The following CAPRIN1 variants were observed in gnomAD, a reference collection of about 807,000 sequenced individuals.
CAPRIN1 encodes the protein caprin-1.
Under a neutral mutation model 100.9 loss-of-function variants are expected in CAPRIN1, and 29 were observed. The observed-to-expected ratio is 0.29, with a 90% CI of 0.21 to 0.39. The LOEUF is 0.39. Ranked by LOEUF, CAPRIN1 falls within the 10% of genes least tolerant of loss-of-function variation. The pLI is 1.00. For synonymous variants in CAPRIN1, 338 were observed against 307.5 expected, an observed-to-expected ratio of 1.10 and a Z score of -1.04; for missense variants, 795 against 876.7, an observed-to-expected ratio of 0.91 and a Z score of 1.18.
At chr11:34,057,364 GTACCTTTT>G (rs1850473716) in intron 2 of CAPRIN1, among the ~76,000 whole-genome samples, 1 of 152,130 alleles carries the variant, frequency 6.6e-6, no homozygotes, top group South Asian at 2.1e-4. Context: ...GTGATAATGG[GTACCTTTT>G]TCTAGGGTGA....
intron 7 of CAPRIN1, among the ~76,000 whole-genome samples, chr11:34,080,745 G>T (rs892107936): frequency 1.3e-5 from 2 of 152,042 alleles, no homozygotes; most frequent in African/African-American, 4.8e-5. Context: ...GTAACTTTGG[G>T]CAAGTTAATG....
chr11:34,055,316 A>C (rs1440326908), intron 2 of CAPRIN1, among the ~76,000 whole-genome samples: 7 of 151,402 alleles, frequency 4.6e-5, no homozygotes, highest in Non-Finnish European at 8.8e-5. Context: ...AGTGTGCGCC[A>C]CCACCCCAGG....
chr11:34,098,004 A>G (rs1386138969), intron 18 of CAPRIN1: 1 of 1,188,800 alleles, frequency 8.4e-7, no homozygotes, highest in Non-Finnish European at 1.0e-6. Context: ...TCTTCTCAGA[A>G]AAAGTGTTTT....
chr11:34,092,596 G>A (rs1438233707), intron 15 of CAPRIN1, among the ~76,000 whole-genome samples: 2 of 152,050 alleles, frequency 1.3e-5, no homozygotes, highest in African/African-American at 2.4e-5. Flanking sequence ...CTGAGCTCAC[G>A]TGATCTGCCC....
At chr11:34,087,908 T>G (rs1235319339) in intron 11 of CAPRIN1, among the ~76,000 whole-genome samples, 1 of 152,216 alleles carries the variant, frequency 6.6e-6, no homozygotes, top group Non-Finnish European at 1.5e-5. Context: ...ATTATCTGTT[T>G]AATCATTGTT....
intron 9 of CAPRIN1, 47 bp from the exon 10 acceptor site, chr11:34,086,017 G>A (rs934027218): frequency 1.3e-6 from 2 of 1,571,650 alleles, no homozygotes; most frequent in Non-Finnish European, 8.7e-7. Context: ...AGTGAGTGGA[G>A]CTTTTTTGCT....
intron 7 of CAPRIN1, among the ~76,000 whole-genome samples, chr11:34,082,488 C>T (rs1341931015): frequency 6.6e-6 from 1 of 152,102 alleles, no homozygotes; most frequent in South Asian, 2.1e-4. Flanking sequence ...TGTGCCTGGC[C>T]GACTTTATTT....
chr11:34,069,626 GGGGTCA>G (rs1436927960), intron 2 of CAPRIN1, among the ~76,000 whole-genome samples: 2 of 151,874 alleles, frequency 1.3e-5, no homozygotes, highest in African/African-American at 4.8e-5. Context: ...TTCTGCACCT[GGGGTCA>G]GGTCTGTCAT....
At chr11:34,052,243 T>TTG in intron 1 of CAPRIN1, 178 bp from the exon 2 acceptor site, 1 of 280,036 alleles carries the variant, frequency 3.6e-6, no homozygotes, top group Non-Finnish European at 6.4e-6. Flanking sequence ...CGCTGGCGGG[T>TTG]CGCGCGCGCG....
chr11:34,071,188 A>G (rs1442385741), intron 2 of CAPRIN1, among the ~76,000 whole-genome samples: 1 of 152,224 alleles, frequency 6.6e-6, no homozygotes, highest in Non-Finnish European at 1.5e-5. Flanking sequence ...TGATTAAGCT[A>G]AAGAATGAAT....
rs534369826 is a variant in CAPRIN1, at chr11:34,078,094, G to A, written c.688+1452G>A. ...AATGTAACATCTTTACAATGGAAAGGTACTAATCTTTATAATGGGAAGGTA... is the reference window on the plus strand; with the variant it reads ...AATGTAACATCTTTACAATGGAAAGATACTAATCTTTATAATGGGAAGGTA... On this transcript the variant is annotated intron_variant, in intron 6 of 18. Coordinates refer to ENST00000341394, the MANE Select transcript of CAPRIN1 (RefSeq NM_005898.5). Among the ~76,000 whole-genome samples the A allele has an allele frequency of 2.0e-5, 3 of 152,216 alleles. No individual in the cohort carries two copies. The South Asian group carries it at 6.2e-4, about 32-fold the overall frequency.
In CAPRIN1 at chr11:34,101,614, T is replaced by G. The variant is rs984416717; in HGVS notation, c.*2247T>G. Among the ~76,000 whole-genome samples, 4 of 152,224 alleles carry G rather than the reference T, an allele frequency of 2.6e-5. No individual in the cohort carries two copies. Among genetic ancestry groups the G allele is most frequent in the Non-Finnish European group, 5.9e-5 (4 of 68,014 alleles). On this transcript the variant is annotated 3_prime_UTR_variant, in exon 19 of 19. Transcript: ENST00000341394. ...GTTCCTTTTTTTGAACTATAATTTT[T>G]CTTTTTTTGGTTATTTTACCATCAC...
intron 2 of CAPRIN1, among the ~76,000 whole-genome samples, chr11:34,069,439 G>A (rs1016435019): frequency 1.3e-5 from 2 of 151,692 alleles, no homozygotes; most frequent in African/African-American, 4.8e-5. Flanking sequence ...TGAGCCACCG[G>A]GCCTGGTCTA....
chr11:34,087,107 C>T (rs112237833), intron 11 of CAPRIN1, among the ~76,000 whole-genome samples: 46 of 152,248 alleles, frequency 3.0e-4, no homozygotes, highest in Non-Finnish European at 5.0e-4. Flanking sequence ...TTAAGTGGAC[C>T]TTCTCTCCAG....
chr11:34,099,741 C>T lies in CAPRIN1; in HGVS notation c.*374C>T, dbSNP rs1274005489. 1 of 178,350 alleles carries T rather than the reference C, an allele frequency of 5.6e-6. No individual in the cohort carries two copies. The highest frequency in any genetic ancestry group is 1.2e-5 in the Non-Finnish European group (1 of 85,160). 11.0% of individuals were successfully genotyped at this position (178,350 alleles called of 1,614,324 possible). ...ACATTGGATAAAATCTACAAATCAG[C>T]CCTCGAGTTATTCAATGATAACTGA... On this transcript the variant is annotated 3_prime_UTR_variant, in exon 19 of 19. Coordinates refer to ENST00000341394, the MANE Select transcript of CAPRIN1 (RefSeq NM_005898.5).
At chr11:34,076,720 T>G (rs1055583525) in intron 6 of CAPRIN1, 78 bp downstream of exon 6, 13 of 1,026,344 alleles carry the variant, frequency 1.3e-5, no homozygotes, top group Middle Eastern at 4.2e-4. Context: ...ATAGTTCACT[T>G]GGAAGAAAAA....
chr11:34,069,407 C>G (rs1850767202), intron 2 of CAPRIN1, among the ~76,000 whole-genome samples: 1 of 152,000 alleles, frequency 6.6e-6, no homozygotes, highest in Non-Finnish European at 1.5e-5. Flanking sequence ...GTTGGCCTCC[C>G]AAAATGCTGG....
chr11:34,072,071 C>A, intron 4 of CAPRIN1, 84 bp downstream of exon 4: 1 of 832,746 alleles, frequency 1.2e-6, no homozygotes, highest in Non-Finnish European at 1.9e-6. Flanking sequence ...TTGATAAGCT[C>A]TCTGCAAGGT....
intron 6 of CAPRIN1, 27 bp from the exon 7 acceptor site, chr11:34,079,601 C>T: frequency 6.2e-7 from 1 of 1,600,986 alleles, no homozygotes; most frequent in Non-Finnish European, 8.6e-7. Flanking sequence ...ATAAGTCTTA[C>T]ATTATAATTC....
Sources: allele counts gnomAD v4.1 joint callset (sites outside exome capture counted in the v4.1 genomes callset), GRCh38; gene constraint gnomAD v4.1.1; transcripts MANE v1.5; gene names NCBI Gene and HGNC (gene_info 2026-07-23, HGNC 2026-07-21).